The following VWA8 variants were observed in gnomAD, a reference collection of about 807,000 sequenced individuals.
VWA8 encodes the protein von Willebrand factor A domain-containing protein 8.
In VWA8, 221 loss-of-function variants were observed where a neutral mutation model predicts 241.5. The observed-to-expected ratio is 0.91, with a 90% CI of 0.82 to 1.02. The LOEUF (loss-of-function observed/expected upper bound fraction) is 1.02. VWA8 is among the 50% of genes least tolerant of loss of function. VWA8 has a pLI of 0.00. For synonymous variants in VWA8, 852 were observed against 827.1 expected (o/e 1.03, Z -0.52); for missense variants, 2,322 against 2,328.7 (o/e 1.00, Z 0.06).
intron 2 of VWA8, among the ~76,000 whole-genome samples, chr13:41,918,276 A>T (rs1213162837): frequency 6.6e-6 from 1 of 152,192 alleles, no homozygotes. Flanking sequence ...ATGATCCAAT[A>T]TAGCTGTTAT....
chr13:41,839,018 G>A (rs1871871359), intron 12 of VWA8, among the ~76,000 whole-genome samples: 1 of 152,122 alleles, frequency 6.6e-6, no homozygotes, highest in South Asian at 2.1e-4. Flanking sequence ...ACTGAGTAAT[G>A]GGATTGCTGG....
intron 9 of VWA8, among the ~76,000 whole-genome samples, chr13:41,873,572 T>C (rs1873748135): frequency 6.6e-6 from 1 of 152,126 alleles, no homozygotes. Flanking sequence ...GCAAATAAAC[T>C]AGAAAATCTA....
chr13:41,886,930 C>T, intron 6 of VWA8, 100 bp from the exon 7 acceptor site: 1 of 977,930 alleles, frequency 1.0e-6, no homozygotes, highest in South Asian at 1.8e-5. Context: ...ATTAAGCAGA[C>T]ACTAAATATT....
chr13:41,800,278 A>G (rs1361231867), intron 17 of VWA8, among the ~76,000 whole-genome samples: 1 of 152,114 alleles, frequency 6.6e-6, no homozygotes, highest in African/African-American at 2.4e-5. Context: ...TTTCTCTTGG[A>G]TAGATTCCTA....
chr13:41,830,552 C>G lies in VWA8; in HGVS notation c.1677G>C (p.Leu559=), dbSNP rs761948758. The change falls in exon 14 of 45, where the codon CTG becomes CTC. Residue 559 remains leucine, a synonymous_variant. Transcript: ENST00000379310. ...RYMRLKEELQ[L]SDEQLQKRSI... Reference sequence around the variant, plus strand: ...ACCTCTTCTGTAGCTGTTCATCAGACAGTTGCAGCTCCTCCTTTAAACGCA... The same window carrying G: ...ACCTCTTCTGTAGCTGTTCATCAGAGAGTTGCAGCTCCTCCTTTAAACGCA... The G allele has an allele frequency of 1.1e-5, 17 of 1,613,646 alleles. No individual in the cohort carries two copies. Among genetic ancestry groups the G allele is most frequent in the Middle Eastern group, 1.6e-4 (1 of 6,080 alleles).
At position 41,872,999 on chromosome 13, in the gene VWA8, G is replaced by A. The variant is rs148052713; in HGVS notation, c.1081-4522C>T. On this transcript the variant is annotated intron_variant, in intron 9 of 44. Transcript: ENST00000379310. ...TTATTTCATTGAGCAGTGGTTTGTT[G>A]TTCTCCTTGAAGAGGTCCTTCACAT... Among the ~76,000 whole-genome samples the A allele has an allele frequency of 6.3e-3, 954 of 152,216 alleles. 6 individuals carry two copies. Among genetic ancestry groups the A allele is most frequent in the African/African-American group, 0.022 (906 of 41,506 alleles).
intron 20 of VWA8, among the ~76,000 whole-genome samples, chr13:41,762,286 T>C (rs1449197937): frequency 1.3e-5 from 2 of 152,092 alleles, no homozygotes; most frequent in African/African-American, 4.8e-5. Context: ...TTTTCATGGG[T>C]TATTTCATTT....
rs555663041 is a variant in VWA8 at position 41,859,421 on chromosome 13, T to C, written c.1425+6315A>G. Among the ~76,000 whole-genome samples the C allele has an allele frequency of 2.9e-4, 44 of 152,302 alleles. 1 individual carries two copies. In the South Asian group the frequency reaches 8.5e-3, roughly 29 times the overall value. Reference sequence around the variant, plus strand: ...CAGTGATGATACTAAGATTTCAACATATTTTAGACCACAATTATTTTCACT... The same window carrying C: ...CAGTGATGATACTAAGATTTCAACACATTTTAGACCACAATTATTTTCACT... On this transcript the variant is annotated intron_variant, in intron 12 of 44. Transcript: ENST00000379310.
At chr13:41,784,882 G>A (rs1869115571) in intron 18 of VWA8, among the ~76,000 whole-genome samples, 1 of 149,910 alleles carries the variant, frequency 6.7e-6, no homozygotes, top group African/African-American at 2.4e-5. Flanking sequence ...CAGCCAGATT[G>A]GGAAACTGTC....
chr13:41,841,342 C>T (rs938919292), intron 12 of VWA8, among the ~76,000 whole-genome samples: 1 of 152,134 alleles, frequency 6.6e-6, no homozygotes, highest in African/African-American at 2.4e-5. Context: ...GCTAACCACT[C>T]CCCAAACAGA....
intron 21 of VWA8, among the ~76,000 whole-genome samples, chr13:41,758,643 T>C (rs2045717401): frequency 6.6e-6 from 1 of 150,596 alleles, no homozygotes; most frequent in Non-Finnish European, 1.5e-5. Context: ...ATTCATGCAA[T>C]TGTGTCATCT....
At chr13:41,805,492 G>C (rs1870145719) in intron 17 of VWA8, among the ~76,000 whole-genome samples, 1 of 152,104 alleles carries the variant, frequency 6.6e-6, no homozygotes, top group Admixed American at 6.6e-5. Context: ...ACATTGGACA[G>C]ATCACCCAGA....
chr13:41,808,948 G>A (rs981694024), intron 17 of VWA8, among the ~76,000 whole-genome samples: 4 of 151,684 alleles, frequency 2.6e-5, no homozygotes, highest in Non-Finnish European at 5.9e-5. Flanking sequence ...AATCAGTAGC[G>A]CTTCTGTATG....
chr13:41,955,421 T>G (rs1202398682), intron 1 of VWA8, among the ~76,000 whole-genome samples: 1 of 152,206 alleles, frequency 6.6e-6, no homozygotes, highest in Non-Finnish European at 1.5e-5. Context: ...CTGAGATTCT[T>G]CATGATAGCC....
chr13:41,912,610 C>A (rs1008276998), intron 2 of VWA8, among the ~76,000 whole-genome samples: 3 of 151,930 alleles, frequency 2.0e-5, no homozygotes, highest in African/African-American at 7.3e-5. Flanking sequence ...ATCAAATCAT[C>A]CCAGATAGTT....
intron 37 of VWA8, among the ~76,000 whole-genome samples, chr13:41,665,385 T>C (rs1398021633): frequency 6.6e-6 from 1 of 152,108 alleles, no homozygotes; most frequent in Non-Finnish European, 1.5e-5. Context: ...ACCTACAAAG[T>C]TGAACCAGGA....
chr13:41,768,759 A>G (rs781435235), intron 20 of VWA8, among the ~76,000 whole-genome samples: 41 of 152,216 alleles, frequency 2.7e-4, no homozygotes, highest in Non-Finnish European at 3.1e-4. Flanking sequence ...ATATTCAAAA[A>G]TATGGGTCTA....
intron 2 of VWA8, chr13:41,926,650 G>A (rs1566042114): frequency 1.8e-6 from 1 of 543,022 alleles, no homozygotes; most frequent in Non-Finnish European, 3.8e-6. Flanking sequence ...CAGAGAAGAT[G>A]GTTTCAGGGA....
intron 37 of VWA8, among the ~76,000 whole-genome samples, chr13:41,644,216 C>G (rs9532905): frequency 0.015 from 2,220 of 151,740 alleles, 21 homozygotes; most frequent in Middle Eastern, 0.054. Context: ...CTTTCAGAGG[C>G]TTTCCTCTTA....
Sources: gnomAD v4.1 joint callset for allele counts (sites outside exome capture counted in the v4.1 genomes callset) on GRCh38, gnomAD v4.1.1 for gene constraint, MANE v1.5 for transcripts, NCBI Gene and HGNC (gene_info 2026-07-23, HGNC 2026-07-21) for gene names.